The following SRL variants were observed in gnomAD, a reference collection of about 807,000 sequenced individuals.
The protein encoded by SRL is sarcalumenin.
Under a neutral mutation model 39.5 loss-of-function variants are expected in SRL, and 23 were observed. That is an observed-to-expected ratio of 0.58 (90% CI 0.42 to 0.82). The LOEUF (loss-of-function observed/expected upper bound fraction) is 0.82, where lower values mean the gene tolerates loss of function less well. Ranked by LOEUF, SRL falls within the 40% of genes least tolerant of loss-of-function variation. SRL has a pLI of 0.00. For synonymous variants in SRL, 272 were observed against 237.4 expected (o/e 1.15, Z -1.34); for missense variants, 592 against 607.8 (o/e 0.97, Z 0.27).
At chr16:4,226,772 G>T (rs568738865) in intron 1 of SRL, among the ~76,000 whole-genome samples, 26 of 151,498 alleles carry the variant, frequency 1.7e-4, no homozygotes, top group African/African-American at 5.8e-4. Flanking sequence ...ATGGATGAAT[G>T]ATAGATGAAT....
At chr16:4,204,670 G>C (rs770550846) in intron 1 of SRL, 36 bp from the exon 2 acceptor site, 2 of 1,591,804 alleles carry the variant, frequency 1.3e-6, no homozygotes, top group South Asian at 2.2e-5. Flanking sequence ...TGAGAGCAAA[G>C]CTAACAGCCA....
At chr16:4,208,388 G>C (rs1045454566) in intron 1 of SRL, among the ~76,000 whole-genome samples, 2 of 152,012 alleles carry the variant, frequency 1.3e-5, no homozygotes, top group Admixed American at 1.3e-4. Flanking sequence ...CCCGAGAACC[G>C]CCCCCGCACC....
rs1226896463 is a variant in SRL at position 4,192,918 on chromosome 16, G to T, written c.657C>A (p.Asp219Glu). Reference sequence around the variant, plus strand: ...TTGGGTCAAAGACGACAAAGATGAGGTCAGCTCTGTCGATGAACCACTGGC... The same window carrying T: ...TTGGGTCAAAGACGACAAAGATGAGTTCAGCTCTGTCGATGAACCACTGGC... ...DVCQWFIDRA[D>E]LIFVVFDPTK... is the part of the protein sequence containing the mutation. Residue 219 changes from aspartate to glutamate, a missense_variant, in exon 6 of 6, where the codon GAC becomes GAA. Asp to Glu is a conservative substitution (Grantham distance 45, BLOSUM62 2). Coordinates refer to ENST00000399609, the MANE Select transcript of SRL (RefSeq NM_001098814.2). The surrounding 1 kb of genome is among the most constrained non-coding windows in gnomAD (Gnocchi z 4.0). 1.2e-6 allele frequency: 2 copies of T among 1,613,890 alleles called. No homozygotes were observed. Among genetic ancestry groups the T allele is most frequent in the African/African-American group, 1.3e-5 (1 of 75,034 alleles).
chr16:4,207,268 T>A (rs995062457), intron 1 of SRL: 3 of 456,862 alleles, frequency 6.6e-6, no homozygotes, highest in African/African-American at 2.0e-5. Context: ...TCCTCCTCAG[T>A]CATCTCTGGG....
chr16:4,192,153 C>T lies in SRL; in HGVS notation c.1422G>A (p.Ter474=). The T allele has an allele frequency of 1.3e-6, 2 of 1,545,678 alleles. No individual in the cohort carries two copies. The highest frequency in any genetic ancestry group is 1.7e-6 in the Non-Finnish European group (2 of 1,149,828). The change falls in exon 6 of 6, where the codon TAG becomes TAA. Residue 474 remains the stop codon, a stop_retained_variant. Coordinates refer to ENST00000399609, the MANE Select transcript of SRL (RefSeq NM_001098814.2). This position sits in a 1 kb window ranked among gnomAD's most constrained non-coding sequence, Gnocchi z 4.0. ...ETPKNRYRKH[*] ...AGGAACCCAAGGACCGCTCCACCACCTAGTGCTTCCTGTAGCGATTTTTTG... is the reference window on the plus strand; with the variant it reads ...AGGAACCCAAGGACCGCTCCACCACTTAGTGCTTCCTGTAGCGATTTTTTG...
intron 1 of SRL, among the ~76,000 whole-genome samples, chr16:4,220,203 C>T (rs61616536): frequency 0.12 from 18,724 of 151,678 alleles, 1,988 homozygotes; most frequent in African/African-American, 0.29. Flanking sequence ...TCCCAGTACT[C>T]TGGGAGGCCA....
At chr16:4,241,443 G>A (rs762080728) in intron 1 of SRL, among the ~76,000 whole-genome samples, 2 of 152,140 alleles carry the variant, frequency 1.3e-5, no homozygotes, top group Non-Finnish European at 2.9e-5. Flanking sequence ...CTTCTGAATT[G>A]CATCCAATGC....
intron 1 of SRL, chr16:4,207,798 T>G: frequency 2.2e-6 from 1 of 455,730 alleles, no homozygotes; most frequent in Non-Finnish European, 4.4e-6. Context: ...TGGGCCATTC[T>G]TTTCCTCCCC....
At position 4,189,971 on chromosome 16, in the gene SRL, C is replaced by T. The variant is rs922475522; in HGVS notation, c.*2182G>A. 1.1e-5 allele frequency: 3 copies of T among 269,030 alleles called. No homozygotes were observed. Among genetic ancestry groups the T allele is most frequent in the Admixed American group, 5.4e-5 (1 of 18,560 alleles). The allele number at this position is 269,030 out of a possible 1,614,324, so 16.7% of individuals were successfully genotyped here. A position where few individuals can be genotyped will look rare whatever the true frequency, so the allele number is the denominator to read the frequency against. On this transcript the variant is annotated 3_prime_UTR_variant, in exon 6 of 6. Transcript: ENST00000399609. ...ATGAGGCGAGGGGTTCTGGGGTTTGCGGAGGGTGGTTAATGAGAAGAAAAG... is the reference window on the plus strand; with the variant it reads ...ATGAGGCGAGGGGTTCTGGGGTTTGTGGAGGGTGGTTAATGAGAAGAAAAG...
At chr16:4,206,851 C>T (rs2052325551) in intron 1 of SRL, 2 of 456,678 alleles carry the variant, frequency 4.4e-6, no homozygotes, top group Non-Finnish European at 4.4e-6. Flanking sequence ...GGCTGGGCCC[C>T]TCTGTCCCTG....
chr16:4,203,703 A>G (rs1207918691), intron 2 of SRL, among the ~76,000 whole-genome samples: 1 of 151,642 alleles, frequency 6.6e-6, no homozygotes, highest in Non-Finnish European at 1.5e-5. Context: ...GTTTTTTTTT[A>G]AAACCTCTCT....
At chr16:4,196,380 C>A (rs1049528226) in intron 4 of SRL, among the ~76,000 whole-genome samples, 5 of 151,882 alleles carry the variant, frequency 3.3e-5, no homozygotes, top group African/African-American at 1.2e-4. Flanking sequence ...CAACTGAAAA[C>A]TCTGTATCCA....
At chr16:4,241,798 A>G (rs1408963953) in intron 1 of SRL, among the ~76,000 whole-genome samples, 2 of 152,074 alleles carry the variant, frequency 1.3e-5, no homozygotes, top group African/African-American at 4.8e-5. Flanking sequence ...GGCCTTCCTG[A>G]GGGCCCCGCA....
chr16:4,213,967 C>G (rs1436169224), intron 1 of SRL, among the ~76,000 whole-genome samples: 2 of 152,190 alleles, frequency 1.3e-5, no homozygotes, highest in South Asian at 4.1e-4. Flanking sequence ...GAACAAAGCT[C>G]CCTGGGAGCG....
chr16:4,195,879 AC>A, intron 4 of SRL, 93 bp from the exon 5 acceptor site: 1 of 1,039,862 alleles, frequency 9.6e-7, no homozygotes, highest in Non-Finnish European at 1.4e-6. Flanking sequence ...TCACAGGGAG[AC>A]TTTTGCAACA....
At chr16:4,207,730 G>T (rs1463279081) in intron 1 of SRL, 4 of 415,204 alleles carry the variant, frequency 9.6e-6, no homozygotes, top group Non-Finnish European at 1.4e-5. Context: ...CTGGGCTCCG[G>T]CCACTCCTCT....
chr16:4,190,610 A>G lies in SRL; in HGVS notation c.*1543T>C, dbSNP rs2052049164. On this transcript the variant is annotated 3_prime_UTR_variant, in exon 6 of 6. Transcript: ENST00000399609. ...GACTGTTACAAGTTCTCTACTCCCTAGAGTCTATGTGATCTCCCTAATCTC... is the reference window on the plus strand; with the variant it reads ...GACTGTTACAAGTTCTCTACTCCCTGGAGTCTATGTGATCTCCCTAATCTC... The G allele has an allele frequency of 2.5e-6, 1 of 397,698 alleles. No individual in the cohort carries two copies. The highest frequency in any genetic ancestry group is 4.4e-6 in the Non-Finnish European group (1 of 225,978). 24.6% of individuals were successfully genotyped at this position (397,698 alleles called of 1,614,324 possible).
chr16:4,234,293 C>T lies in SRL; in HGVS notation c.61+7714G>A, dbSNP rs1017166273. 4.6e-4 allele frequency among the ~76,000 whole-genome samples: 70 copies of T among 152,296 alleles called. 1 individual carries two copies. The highest frequency in any genetic ancestry group is 1.6e-3 in the African/African-American group (67 of 41,558). ...ACAGGTGTGAGCCACTGTGCCTAGC[C>T]TATTAATTAAATTTAATAAATTATT... On this transcript the variant is annotated intron_variant, in intron 1 of 5. Transcript: ENST00000399609.
intron 1 of SRL, among the ~76,000 whole-genome samples, chr16:4,213,265 G>A (rs990270393): frequency 6.6e-6 from 1 of 152,056 alleles, no homozygotes; most frequent in Non-Finnish European, 1.5e-5. Flanking sequence ...ACTGCAGGGA[G>A]ATTGGCAAGC....
Sources: gnomAD v4.1 joint callset for allele counts (sites outside exome capture counted in the v4.1 genomes callset) on GRCh38, gnomAD v4.1.1 for gene constraint, Gnocchi (gnomAD v3.1) non-coding constraint, MANE v1.5 for transcripts, NCBI Gene and HGNC (gene_info 2026-07-23, HGNC 2026-07-21) for gene names.